NAALADL2: variants seen among roughly 807,000 people sequenced by gnomAD.
NAALADL2 encodes inactive N-acetylated-alpha-linked acidic dipeptidase-like protein 2.
In NAALADL2, 76 loss-of-function variants were observed where a neutral mutation model predicts 87.2. The ratio of observed to expected loss-of-function variants is 0.87; its 90% CI spans 0.72 to 1.05. The LOEUF (loss-of-function observed/expected upper bound fraction) is 1.05. Among genes scored for constraint, NAALADL2 ranks in the 50% least tolerant of loss-of-function variants. The pLI, the probability that NAALADL2 is intolerant of heterozygous loss-of-function variation, is 0.00. For missense variants in NAALADL2, 1,089 were observed against 945.8 expected (o/e 1.15, Z -1.99); for synonymous variants, 354 against 331.0 (o/e 1.07, Z -0.75).
chr3:175,748,460 G>C (rs1311421280), intron 12 of NAALADL2, among the ~76,000 whole-genome samples: 2 of 152,134 alleles, frequency 1.3e-5, no homozygotes, highest in Non-Finnish European at 2.9e-5. Flanking sequence ...TTTAACCACT[G>C]TATTATGCAG....
At chr3:175,143,551 C>CAAAAAA in intron 2 of NAALADL2, among the ~76,000 whole-genome samples, 1 of 113,404 alleles carries the variant, frequency 8.8e-6, no homozygotes, top group Non-Finnish European at 1.8e-5. Context: ...CAATGTTAGC[C>CAAAAAA]AAAAAAAAAA....
chr3:175,520,681 ATAATT>A (rs1417137093), intron 9 of NAALADL2, among the ~76,000 whole-genome samples: 17 of 152,236 alleles, frequency 1.1e-4, no homozygotes, highest in African/African-American at 4.1e-4. Flanking sequence ...GATGTGAAAT[ATAATT>A]GAAGTAACTG....
intron 1 of NAALADL2, among the ~76,000 whole-genome samples, chr3:175,029,918 T>G (rs1752635309): frequency 6.6e-6 from 1 of 152,120 alleles, no homozygotes; most frequent in Admixed American, 6.6e-5. Flanking sequence ...AAAGTACTTT[T>G]TGTCAGGCAA....
intron 3 of NAALADL2, among the ~76,000 whole-genome samples, chr3:174,778,930 A>G (rs1715582786): frequency 4.6e-5 from 7 of 152,204 alleles, no homozygotes; most frequent in Admixed American, 4.6e-4. Flanking sequence ...ACAGTGCCAC[A>G]GTAAACATAT....
chr3:174,664,115 C>A (rs1359332216), intron 2 of NAALADL2, among the ~76,000 whole-genome samples: 2 of 152,070 alleles, frequency 1.3e-5, no homozygotes, highest in African/African-American at 4.8e-5. Flanking sequence ...TGGCCAACTG[C>A]AATTCTGCCA....
chr3:174,486,407 GGT>G (rs1484401922), intron 1 of NAALADL2, among the ~76,000 whole-genome samples: 1 of 151,984 alleles, frequency 6.6e-6, no homozygotes, highest in African/African-American at 2.4e-5. Context: ...TCGATGGCTG[GGT>G]CCCCCTAGTG....
chr3:175,248,797 T>C, intron 3 of NAALADL2, among the ~76,000 whole-genome samples: 1 of 152,168 alleles, frequency 6.6e-6, no homozygotes. Flanking sequence ...TATAGTATTA[T>C]TATATGATTT....
chr3:174,571,699 G>A (rs931711895), intron 2 of NAALADL2, among the ~76,000 whole-genome samples: 2 of 152,168 alleles, frequency 1.3e-5, no homozygotes, highest in Admixed American at 1.3e-4. Context: ...ATTAAACAGG[G>A]TGATGAAGTC....
At chr3:175,402,114 A>AT (rs1770635922) in intron 5 of NAALADL2, among the ~76,000 whole-genome samples, 1 of 152,076 alleles carries the variant, frequency 6.6e-6, no homozygotes, top group African/African-American at 2.4e-5. Flanking sequence ...ATAAATTTAA[A>AT]TTTTTCAGGT....
intron 1 of NAALADL2, among the ~76,000 whole-genome samples, chr3:174,902,206 T>C (rs574414311): frequency 6.6e-6 from 1 of 152,176 alleles, no homozygotes; most frequent in Non-Finnish European, 1.5e-5. Flanking sequence ...TCTTTTGATA[T>C]TATATAGCAA....
intron 11 of NAALADL2, among the ~76,000 whole-genome samples, chr3:175,706,382 A>G (rs1739719376): frequency 1.3e-5 from 2 of 152,174 alleles, no homozygotes; most frequent in African/African-American, 4.8e-5. Context: ...TAGGCACAAT[A>G]ATAGATTAGC....
intron 1 of NAALADL2, among the ~76,000 whole-genome samples, chr3:174,882,593 A>T (rs1226135720): frequency 2.0e-5 from 3 of 149,808 alleles, no homozygotes; most frequent in African/African-American, 7.4e-5. Flanking sequence ...ACATATGTGT[A>T]TATACACATA....
intron 1 of NAALADL2, among the ~76,000 whole-genome samples, chr3:174,505,038 G>T (rs1237175533): frequency 3.3e-5 from 5 of 152,128 alleles, no homozygotes; most frequent in Admixed American, 6.6e-5. Flanking sequence ...ATAGAATGCA[G>T]CACTTTTAAA....
intron 10 of NAALADL2, among the ~76,000 whole-genome samples, chr3:175,600,321 A>T (rs1722782031): frequency 6.6e-6 from 1 of 151,826 alleles, no homozygotes; most frequent in South Asian, 2.1e-4. Context: ...GTTTCTGAAG[A>T]ATCACATCTT....
intron 2 of NAALADL2, among the ~76,000 whole-genome samples, chr3:175,199,296 A>C (rs1739454595): frequency 1.3e-5 from 2 of 152,132 alleles, no homozygotes; most frequent in Admixed American, 1.3e-4. Context: ...GACATGTCTG[A>C]AGGTAGAAAA....
intron 2 of NAALADL2, among the ~76,000 whole-genome samples, chr3:174,730,865 C>A (rs1219054661): frequency 6.6e-6 from 1 of 151,898 alleles, no homozygotes; most frequent in African/African-American, 2.4e-5. Flanking sequence ...CATTACAGCC[C>A]TTTCATATCA....
intron 1 of NAALADL2, among the ~76,000 whole-genome samples, chr3:175,095,158 C>T (rs77860763): frequency 2.0e-5 from 3 of 152,078 alleles, no homozygotes; most frequent in African/African-American, 7.2e-5. Context: ...TTCTTATTCT[C>T]TCTTTGTGTT....
intron 4 of NAALADL2, among the ~76,000 whole-genome samples, chr3:175,308,529 T>A (rs767373045): frequency 3.0e-4 from 45 of 152,304 alleles, no homozygotes; most frequent in Non-Finnish European, 1.0e-4. Flanking sequence ...ATGTCTGTGA[T>A]GAAAAATGTA....
At chr3:174,917,025 C>T (rs1005452200) in intron 1 of NAALADL2, among the ~76,000 whole-genome samples, 4 of 151,944 alleles carry the variant, frequency 2.6e-5, no homozygotes, top group East Asian at 1.9e-4. Flanking sequence ...GGTGGTAAAG[C>T]GTTTCAGACT....
Sources: gnomAD v4.1 joint callset for allele counts (sites outside exome capture counted in the v4.1 genomes callset) on GRCh38, gnomAD v4.1.1 for gene constraint, MANE v1.5 for transcripts, NCBI Gene and HGNC (gene_info 2026-07-23, HGNC 2026-07-21) for gene names.